PDE1A: variants seen among roughly 807,000 people sequenced by gnomAD.
The protein encoded by PDE1A is phosphodiesterase 1A.
A neutral mutation model predicts 61.7 loss-of-function variants in PDE1A; 35 were observed. The ratio of observed to expected loss-of-function variants is 0.57; its 90% CI spans 0.43 to 0.75. PDE1A has a LOEUF of 0.75. PDE1A is among the 30% of genes least tolerant of loss of function. The probability of loss-of-function intolerance (pLI) is 0.00; values close to 1 mark genes in which losing one functional copy is unlikely to be tolerated. For synonymous variants in PDE1A, 232 were observed against 213.2 expected (o/e 1.09, Z -0.77); for missense variants, 597 against 630.6 (o/e 0.95, Z 0.57).
intron 13 of PDE1A, among the ~76,000 whole-genome samples, chr2:182,153,025 A>T (rs2125277981): frequency 6.6e-6 from 1 of 152,346 alleles, no homozygotes; most frequent in East Asian, 1.9e-4. Flanking sequence ...ACAACAATTT[A>T]CTTTAGCAAG....
chr2:182,404,242 C>T (rs1427604572), intron 1 of PDE1A, among the ~76,000 whole-genome samples: 1 of 152,142 alleles, frequency 6.6e-6, no homozygotes, highest in Non-Finnish European at 1.5e-5. Flanking sequence ...CAGAGAAGAG[C>T]AAAGGTGAAA....
the PDE1A span, among the ~76,000 whole-genome samples, chr2:182,530,923 A>C: frequency 6.6e-6 from 1 of 152,250 alleles, no homozygotes; most frequent in East Asian, 1.9e-4. Context: ...AGTTGAAGCA[A>C]TAATTATATC....
chr2:182,222,131 T>G (rs1392487369), intron 7 of PDE1A, among the ~76,000 whole-genome samples: 1 of 151,930 alleles, frequency 6.6e-6, no homozygotes, highest in Non-Finnish European at 1.5e-5. Context: ...GTGCCCAAAT[T>G]TGGAAACAAC....
chr2:182,697,929 T>A, the PDE1A span, among the ~76,000 whole-genome samples: 1 of 152,162 alleles, frequency 6.6e-6, no homozygotes, highest in Non-Finnish European at 1.5e-5. Context: ...GTCATTCCAA[T>A]AATAATAAAT....
chr2:182,366,431 T>C (rs1053440668), intron 1 of PDE1A, among the ~76,000 whole-genome samples: 1 of 152,052 alleles, frequency 6.6e-6, no homozygotes, highest in African/African-American at 2.4e-5. Flanking sequence ...TGATTTGCCG[T>C]TGGATCTCTT....
intron 2 of PDE1A, among the ~76,000 whole-genome samples, chr2:182,453,928 C>A (rs1273633802): frequency 3.3e-5 from 5 of 151,784 alleles, no homozygotes; most frequent in Admixed American, 6.6e-5. Context: ...GGCAATTAGG[C>A]AGGAGAAGGA....
intron 1 of PDE1A, among the ~76,000 whole-genome samples, chr2:182,422,129 T>C (rs1166734019): frequency 6.6e-6 from 1 of 152,190 alleles, no homozygotes; most frequent in Non-Finnish European, 1.5e-5. Context: ...ATCCTGGATG[T>C]ACAGACTTGT....
intron 1 of PDE1A, among the ~76,000 whole-genome samples, chr2:182,363,802 A>T (rs1367030697): frequency 6.6e-6 from 1 of 152,082 alleles, no homozygotes; most frequent in Non-Finnish European, 1.5e-5. Context: ...TTCTAGAGTT[A>T]AGTTTCTAGA....
the PDE1A span, among the ~76,000 whole-genome samples, chr2:182,691,504 C>T: frequency 6.6e-6 from 1 of 152,218 alleles, no homozygotes; most frequent in Non-Finnish European, 1.5e-5. Context: ...TGGATCCCTT[C>T]CTTGCACCTT....
At chr2:182,401,291 G>A (rs1047540571) in intron 1 of PDE1A, among the ~76,000 whole-genome samples, 5 of 152,104 alleles carry the variant, frequency 3.3e-5, no homozygotes, top group Non-Finnish European at 5.9e-5. Context: ...CTGGCAAACC[G>A]AATCCAGCAG....
the PDE1A span, among the ~76,000 whole-genome samples, chr2:182,600,019 C>G: frequency 6.6e-6 from 1 of 152,206 alleles, no homozygotes; most frequent in African/African-American, 2.4e-5. Context: ...CAATCCTACT[C>G]TACTCCCAGG....
the PDE1A span, among the ~76,000 whole-genome samples, chr2:182,625,479 A>C: frequency 6.6e-6 from 1 of 152,200 alleles, no homozygotes; most frequent in Non-Finnish European, 1.5e-5. Context: ...TATTAAGTTC[A>C]GGGCACTTGC....
intron 1 of PDE1A, among the ~76,000 whole-genome samples, chr2:182,330,686 G>C (rs1196018787): frequency 6.6e-6 from 1 of 151,904 alleles, no homozygotes; most frequent in East Asian, 1.9e-4. Flanking sequence ...TCTAGAAAGG[G>C]GTCTCTCAAA....
chr2:182,433,186 G>A (rs1055871559), intron 2 of PDE1A, among the ~76,000 whole-genome samples: 1 of 152,030 alleles, frequency 6.6e-6, no homozygotes, highest in African/African-American at 2.4e-5. Flanking sequence ...AGGCACTGAG[G>A]AAGACTTGGG....
chr2:182,496,831 T>A (rs1688744984), intron 2 of PDE1A, among the ~76,000 whole-genome samples: 1 of 152,242 alleles, frequency 6.6e-6, no homozygotes, highest in Non-Finnish European at 1.5e-5. Context: ...AACTTGCTAA[T>A]CCAGTAGTGG....
At chr2:182,305,109 TAACAC>T (rs1246605162) in intron 1 of PDE1A, among the ~76,000 whole-genome samples, 1 of 152,190 alleles carries the variant, frequency 6.6e-6, no homozygotes, top group Non-Finnish European at 1.5e-5. Flanking sequence ...ACTTGCCTAA[TAACAC>T]ATTATTGGCT....
At chr2:182,636,883 AG>A in the PDE1A span, among the ~76,000 whole-genome samples, 1 of 152,162 alleles carries the variant, frequency 6.6e-6, no homozygotes, top group Non-Finnish European at 1.5e-5. Context: ...GGCTGTCAGC[AG>A]GGGGCTGGTC....
At chr2:182,383,138 C>T (rs549618840) in intron 1 of PDE1A, among the ~76,000 whole-genome samples, 28 of 152,242 alleles carry the variant, frequency 1.8e-4, no homozygotes, top group Admixed American at 1.6e-3. Context: ...TTTCTCATGC[C>T]GTCTTTCTAG....
chr2:182,442,744 G>C (rs1275327249), intron 2 of PDE1A, among the ~76,000 whole-genome samples: 1 of 151,918 alleles, frequency 6.6e-6, no homozygotes, highest in Non-Finnish European at 1.5e-5. Context: ...TTTAAAACTT[G>C]TTGCAACTTT....
Sources: gnomAD v4.1 joint callset for allele counts (sites outside exome capture counted in the v4.1 genomes callset) on GRCh38, gnomAD v4.1.1 for gene constraint, MANE v1.5 for transcripts, NCBI Gene and HGNC (gene_info 2026-07-23, HGNC 2026-07-21) for gene names.